The following ANKRD24 variants were observed in gnomAD, a reference collection of about 807,000 sequenced individuals.
The protein encoded by ANKRD24 is ankyrin repeat domain-containing protein 24.
A neutral mutation model predicts 127.8 loss-of-function variants in ANKRD24; 109 were observed. The ratio of observed to expected loss-of-function variants is 0.85; its 90% CI spans 0.73 to 1.00. The LOEUF (loss-of-function observed/expected upper bound fraction) is 1.00. Ranked by LOEUF, ANKRD24 falls within the 50% of genes least tolerant of loss-of-function variation. ANKRD24 has a pLI of 0.00. For synonymous variants in ANKRD24, 743 were observed against 671.1 expected, an observed-to-expected ratio of 1.11 and a Z score of -1.66; for missense variants, 1,648 against 1,570.2, an observed-to-expected ratio of 1.05 and a Z score of -0.84.
At chr19:4,185,830 A>T (rs1175857742) in intron 1 of ANKRD24, among the ~76,000 whole-genome samples, 1 of 152,176 alleles carries the variant, frequency 6.6e-6, no homozygotes. Context: ...CTTCCAGCCC[A>T]TGGAGCCAGG....
intron 13 of ANKRD24, among the ~76,000 whole-genome samples, chr19:4,211,903 TAATA>T (rs1969762132): frequency 6.6e-6 from 1 of 151,768 alleles, no homozygotes; most frequent in African/African-American, 2.4e-5. Context: ...AGTAGGCACC[TAATA>T]AATAGGAATG....
chr19:4,210,731 A>G (rs904132021), intron 13 of ANKRD24, among the ~76,000 whole-genome samples: 3 of 150,464 alleles, frequency 2.0e-5, no homozygotes, highest in African/African-American at 7.3e-5. Context: ...CCCACTTCCC[A>G]TGCCCACTTC....
rs34131628 is a variant in ANKRD24, at chr19:4,188,378, A to ATTT, written c.36+1938_36+1940dup. 4.2e-3 allele frequency among the ~76,000 whole-genome samples: 351 copies of ATTT among 83,586 alleles called. 8 individuals carry two copies. Among genetic ancestry groups the ATTT allele is most frequent in the East Asian group, 0.022 (69 of 3,090 alleles). 54.8% of individuals were successfully genotyped at this position (83,586 alleles called of 152,430 possible). A position where few individuals can be genotyped will look rare whatever the true frequency, so the allele number is the denominator to read the frequency against. On this transcript the variant is annotated intron_variant, in intron 2 of 21. Coordinates refer to ENST00000318934, the MANE Select transcript of ANKRD24 (RefSeq NM_001393985.1). ...AGGCATGAGCCACCACGCTTGGTCC[A>ATTT]TTTTTTTTTTTTTTTTTTTTTTTGA... is the stretch of plus-strand genomic sequence containing the variant.
chr19:4,187,231 G>T (rs564776649), intron 2 of ANKRD24, among the ~76,000 whole-genome samples: 2 of 152,178 alleles, frequency 1.3e-5, no homozygotes, highest in South Asian at 4.2e-4. Flanking sequence ...TGGCCAACAT[G>T]GTGAAACGTT....
rs568256571 is a variant in ANKRD24 at position 4,210,026 on chromosome 19, C to T, written c.871-32C>T. On this transcript the variant is annotated intron_variant, in intron 11 of 21. Coordinates refer to ENST00000318934, the MANE Select transcript of ANKRD24 (RefSeq NM_001393985.1). ...GAGGCTGGCATGGCCCCCCGATCGGCCCCCTTCACTCTCTCTCCCCTCCCT... is the reference window on the plus strand; with the variant it reads ...GAGGCTGGCATGGCCCCCCGATCGGTCCCCTTCACTCTCTCTCCCCTCCCT... The T allele has an allele frequency of 1.6e-5, 23 of 1,447,862 alleles. No individual in the cohort carries two copies. In the South Asian group the frequency reaches 2.7e-4, roughly 17 times the overall value. 89.7% of individuals were successfully genotyped at this position (1,447,862 alleles called of 1,614,324 possible).
chr19:4,186,424 C>T lies in ANKRD24; in HGVS notation c.-2C>T, dbSNP rs559176560. 1.4e-5 allele frequency: 23 copies of T among 1,589,484 alleles called. No homozygotes were observed. The highest frequency in any genetic ancestry group is 1.7e-5 in the Non-Finnish European group (20 of 1,168,008). On this transcript the variant is annotated 5_prime_UTR_variant, in exon 2 of 22. Coordinates refer to ENST00000318934, the MANE Select transcript of ANKRD24 (RefSeq NM_001393985.1). ...GGAGAGGAGAAACACAGGGCACCAACTATGAAGACTCTCAGGGCGCGATTT... is the reference window on the plus strand; with the variant it reads ...GGAGAGGAGAAACACAGGGCACCAATTATGAAGACTCTCAGGGCGCGATTT...
rs371791696 is a variant in ANKRD24, at chr19:4,200,111, G to A, written c.283G>A (p.Ala95Thr). The change falls in exon 5 of 22, where the codon GCC (alanine) becomes ACC (threonine). Residue 95 changes from alanine to threonine, a missense_variant. By Grantham distance (58) the Ala-to-Thr change is moderately conservative (BLOSUM62 0). Transcript: ENST00000318934. ...CCACCTGGCGGCCATGCGGGGTGCG[G>A]CCAGCTGTCTGGAGGTGATGATAGC... ...AFHLAAMRGA[A>T]SCLEVMIAHG... 48 of 1,603,960 alleles carry A rather than the reference G, an allele frequency of 3.0e-5. No individual in the cohort carries two copies. The African/African-American group carries it at 5.6e-4, about 19-fold the overall frequency.
intron 2 of ANKRD24, among the ~76,000 whole-genome samples, chr19:4,189,074 T>G (rs1394847984): frequency 2.0e-5 from 3 of 152,158 alleles, no homozygotes; most frequent in African/African-American, 7.2e-5. Context: ...CCTCCCAAAG[T>G]GCTGGAATTA....
In ANKRD24 at chr19:4,224,485, C is replaced by A. The variant is rs1970633477; in HGVS notation, c.3421C>A (p.Leu1141Ile). The change falls in exon 22 of 22, where the codon CTC becomes ATC. Residue 1141 changes from leucine (L) to isoleucine (I), a missense_variant. Leu to Ile is a conservative substitution (Grantham distance 5, BLOSUM62 2). Coordinates refer to ENST00000318934, the MANE Select transcript of ANKRD24 (RefSeq NM_001393985.1). ...ILSQILQMQR[L>I]QAQGR ...CAGCCAGATTCTGCAGATGCAGAGA[C>A]TCCAGGCTCAGGGCCGCTGAGAAAG... 4.3e-6 allele frequency: 7 copies of A among 1,611,206 alleles called. No individual in the cohort carries two copies. The highest frequency in any genetic ancestry group is 5.1e-6 in the Non-Finnish European group (6 of 1,178,820).
At chr19:4,200,377 G>A (rs992543894) in intron 5 of ANKRD24, among the ~76,000 whole-genome samples, 1 of 152,172 alleles carries the variant, frequency 6.6e-6, no homozygotes, top group Non-Finnish European at 1.5e-5. Context: ...GGCTGGCACC[G>A]AGCAAAGCCA....
At position 4,219,636 on chromosome 19, in the gene ANKRD24, G is replaced by A. The variant is rs764871323; in HGVS notation, c.3049G>A (p.Glu1017Lys). ...LFMKSERHAA[E>K]AQLATAEQQL... ...CATGAAGAGTGAGCGACACGCAGCC[G>A]AGGCACAGCTGGCCACAGCAGAGCA... Residue 1017 changes from glutamate (E) to lysine (K), a missense_variant, in exon 19 of 22, where the codon GAG becomes AAG. Glu to Lys is a moderately conservative substitution (Grantham distance 56). Transcript: ENST00000318934. 2.5e-5 allele frequency: 40 copies of A among 1,613,590 alleles called. No homozygotes were observed. Among genetic ancestry groups the A allele is most frequent in the African/African-American group, 4.0e-5 (3 of 74,920 alleles).
At position 4,199,672 on chromosome 19, in the gene ANKRD24, T is replaced by A. The variant is rs1568321831; in HGVS notation, c.37-11T>A. 2.0e-6 allele frequency: 3 copies of A among 1,521,324 alleles called. No individual in the cohort carries two copies. The Admixed American group carries it at 6.7e-5, about 34-fold the overall frequency. 94.2% of individuals were successfully genotyped at this position (1,521,324 alleles called of 1,614,324 possible). On this transcript the variant is annotated splice_polypyrimidine_tract_variant and intron_variant, in intron 2 of 21. Transcript: ENST00000318934. This position sits in a 1 kb window ranked among gnomAD's most constrained non-coding sequence, Gnocchi z 5.2. ...GAGGACCCCCTCGCCCAGGACCACC[T>A]CCCCCTGCAGCTGCGGCTCAGCCCC...
chr19:4,183,302 C>T, intron 1 of ANKRD24: 1 of 986,290 alleles, frequency 1.0e-6, no homozygotes, highest in Non-Finnish European at 1.2e-6. Context: ...TATCATCCAA[C>T]TGGAGGTTCT....
chr19:4,200,257 C>A, intron 5 of ANKRD24, 86 bp downstream of exon 5: 1 of 1,375,632 alleles, frequency 7.3e-7, no homozygotes, highest in Admixed American at 2.4e-5. Context: ...GCTCCCAGGT[C>A]TCAATGTTCC....
At chr19:4,204,177 G>C (rs1327849111) in intron 7 of ANKRD24, among the ~76,000 whole-genome samples, 1 of 148,414 alleles carries the variant, frequency 6.7e-6, no homozygotes, top group Non-Finnish European at 1.5e-5. Context: ...GTGTTAGCCA[G>C]GATGGTCTTG....
rs139221641 is a variant in ANKRD24, at chr19:4,195,060, TTTTGTTTG to T, written c.37-4603_37-4596del. ...TCGGCGTGAGCCACCGCGCCCAGGT[TTTTGTTTG>T]TTTGTTTGTTTGTTTGTTTTTAGAG... On this transcript the variant is annotated intron_variant, in intron 2 of 21. Transcript: ENST00000318934. The surrounding 1 kb of genome is among the most constrained non-coding windows in gnomAD (Gnocchi z 4.2). Among the ~76,000 whole-genome samples, 13 of 148,536 alleles carry T rather than the reference TTTTGTTTG, an allele frequency of 8.8e-5. No individual in the cohort carries two copies. In the South Asian group the frequency reaches 1.3e-3, roughly 15 times the overall value.
intron 20 of ANKRD24, among the ~76,000 whole-genome samples, chr19:4,223,399 A>ATTTT (rs1248797551): frequency 4.1e-4 from 23 of 56,354 alleles, no homozygotes; most frequent in East Asian, 2.8e-3. Context: ...ATATATATAT[A>ATTTT]TATTTTTTTT....
Position 4,198,652 on chromosome 19 carries a change from G to T in ANKRD24, c.37-1031G>T. On this transcript the variant is annotated intron_variant, in intron 2 of 21. Transcript: ENST00000318934. The surrounding 1 kb of genome is among the most constrained non-coding windows in gnomAD (Gnocchi z 6.1). ...ATTCCAGACCCGGGAAAGATGGTCG[G>T]CGGCGGGGGGTGGGGGGGAACAGAG... is the stretch of plus-strand genomic sequence containing the variant. The T allele has an allele frequency of 2.5e-6, 1 of 402,092 alleles. No individual in the cohort carries two copies. Among genetic ancestry groups the T allele is most frequent in the Non-Finnish European group, 4.4e-6 (1 of 227,310 alleles). 24.9% of individuals were successfully genotyped at this position (402,092 alleles called of 1,614,324 possible).
chr19:4,198,370 G>T lies in ANKRD24; in HGVS notation c.37-1313G>T. The T allele has an allele frequency of 3.7e-6, 1 of 272,596 alleles. No individual in the cohort carries two copies. The allele number at this position is 272,596 out of a possible 1,614,324, so 16.9% of individuals were successfully genotyped here. ...AGGGCGGGACCGGGCGGGCGGGCGG[G>T]GCGGGGAGCTCCGGCAGCGCCCAGC... On this transcript the variant is annotated intron_variant, in intron 2 of 21. Coordinates refer to ENST00000318934, the MANE Select transcript of ANKRD24 (RefSeq NM_001393985.1). The surrounding 1 kb of genome is among the most constrained non-coding windows in gnomAD (Gnocchi z 6.1).
Sources: gnomAD v4.1 joint callset for allele counts (sites outside exome capture counted in the v4.1 genomes callset) on GRCh38, gnomAD v4.1.1 for gene constraint, Gnocchi (gnomAD v3.1) non-coding constraint, MANE v1.5 for transcripts, NCBI Gene and HGNC (gene_info 2026-07-23, HGNC 2026-07-21) for gene names.